The following REEP1 variants were observed in gnomAD, a reference collection of about 807,000 sequenced individuals.
REEP1 encodes receptor expression-enhancing protein 1.
In REEP1, 22 loss-of-function variants were observed where a neutral mutation model predicts 40.3. That is an observed-to-expected ratio of 0.55 (90% confidence interval 0.39 to 0.78). The LOEUF is 0.78. REEP1 is among the 30% of genes least tolerant of loss of function. The pLI, the probability that REEP1 is intolerant of heterozygous loss-of-function variation, is 0.00. For missense variants in REEP1, 280 were observed against 361.1 expected (o/e 0.78, Z 1.82); for synonymous variants, 116 against 139.2 (o/e 0.83, Z 1.17).
intron 3 of REEP1, 142 bp from the exon 4 acceptor site, chr2:86,254,956 T>C (rs1676475290): frequency 8.3e-6 from 7 of 842,276 alleles, no homozygotes; most frequent in African/African-American, 1.7e-5. Context: ...GTCCTCCACC[T>C]ATGAAGGTGA....
intron 8 of REEP1, 146 bp from the exon 9 acceptor site, chr2:86,217,256 C>A: frequency 2.8e-6 from 2 of 717,356 alleles, no homozygotes; most frequent in Admixed American, 2.0e-5. Context: ...TGAATCTCCG[C>A]AACAGGAAGC....
At chr2:86,296,178 GA>G (rs563703170) in intron 1 of REEP1, among the ~76,000 whole-genome samples, 21 of 152,272 alleles carry the variant, frequency 1.4e-4, no homozygotes, top group African/African-American at 3.8e-4. Flanking sequence ...ACACTTTGGG[GA>G]AAAAAAGTTA....
At chr2:86,271,657 G>T (rs76702277) in intron 2 of REEP1, among the ~76,000 whole-genome samples, 3,498 of 152,224 alleles carry the variant, frequency 0.023, 137 homozygotes, top group African/African-American at 0.079. Context: ...AACAAGGTAG[G>T]TTTAGTCCAT....
intron 1 of REEP1, among the ~76,000 whole-genome samples, chr2:86,335,352 G>A (rs147742277): frequency 6.6e-6 from 1 of 152,224 alleles, no homozygotes; most frequent in East Asian, 1.9e-4. Context: ...GGGATAAGTG[G>A]TATCCCTGAC....
intron 1 of REEP1, among the ~76,000 whole-genome samples, chr2:86,285,174 C>T (rs1010004488): frequency 2.0e-5 from 3 of 152,190 alleles, no homozygotes; most frequent in African/African-American, 4.8e-5. Flanking sequence ...CTGATTAAGC[C>T]ACATTCACTT....
intron 1 of REEP1, among the ~76,000 whole-genome samples, chr2:86,323,057 G>C (rs561309763): frequency 6.6e-6 from 1 of 152,186 alleles, no homozygotes; most frequent in African/African-American, 2.4e-5. Context: ...AATTAGCCAA[G>C]CACAGTGGCG....
At position 86,337,424 on chromosome 2, in the gene REEP1, G is replaced by A; in HGVS notation, c.32+55C>T. On this transcript the variant is annotated intron_variant, in intron 1 of 8. Transcript: ENST00000538924. The surrounding 1 kb of genome is among the most constrained non-coding windows in gnomAD (Gnocchi z 5.8). ...GCGCTGTAGGGGCGCGCGCAGCCCG[G>A]GGCCGGGGGCGGGGAGGGAGGGGAC... The A allele has an allele frequency of 8.5e-7, 1 of 1,179,894 alleles. No homozygotes were observed. The allele number at this position is 1,179,894 out of a possible 1,614,324, so 73.1% of individuals were successfully genotyped here.
intron 5 of REEP1, among the ~76,000 whole-genome samples, chr2:86,249,273 G>A (rs1420546024): frequency 6.8e-6 from 1 of 146,356 alleles, no homozygotes; most frequent in Non-Finnish European, 1.5e-5. Flanking sequence ...AAAAAAAAAA[G>A]TGGGAGAATT....
At chr2:86,295,734 T>G (rs1440608241) in intron 1 of REEP1, among the ~76,000 whole-genome samples, 2 of 151,976 alleles carry the variant, frequency 1.3e-5, no homozygotes, top group Non-Finnish European at 2.9e-5. Flanking sequence ...AGAGACGGGG[T>G]TTCACCGTGT....
At chr2:86,217,759 A>G (rs115919826) in intron 8 of REEP1, among the ~76,000 whole-genome samples, 3,294 of 150,444 alleles carry the variant, frequency 0.022, 68 homozygotes, top group Non-Finnish European at 0.034. Flanking sequence ...AAATGCTCCT[A>G]TGAGCATGAC....
chr2:86,227,940 T>G (rs534653095), intron 6 of REEP1, among the ~76,000 whole-genome samples: 1 of 152,306 alleles, frequency 6.6e-6, no homozygotes, highest in South Asian at 2.1e-4. Flanking sequence ...GGATCATTCT[T>G]TCAACATTTC....
At chr2:86,226,538 G>A (rs1053535352) in intron 7 of REEP1, among the ~76,000 whole-genome samples, 1 of 146,190 alleles carries the variant, frequency 6.8e-6, no homozygotes, top group Non-Finnish European at 1.5e-5. Flanking sequence ...GCACGATCAT[G>A]GCTCACTGCA....
intron 1 of REEP1, among the ~76,000 whole-genome samples, chr2:86,327,520 G>A (rs114586822): frequency 0.013 from 1,909 of 151,628 alleles, 45 homozygotes; most frequent in African/African-American, 0.043. Flanking sequence ...TTTACTCTTA[G>A]TGAGATGGAG....
intron 1 of REEP1, among the ~76,000 whole-genome samples, chr2:86,329,173 C>T (rs1558940189): frequency 1.3e-5 from 2 of 152,220 alleles, no homozygotes; most frequent in Admixed American, 1.3e-4. Flanking sequence ...TCAGATGCTT[C>T]TCTTCTCTCC....
chr2:86,223,592 CCACA>C (rs1674535501), intron 7 of REEP1: 1 of 152,292 alleles, frequency 6.6e-6, no homozygotes, highest in Admixed American at 6.5e-5. Context: ...ACATCCCCAT[CCACA>C]CACACTCACA....
At chr2:86,237,275 G>A (rs970949697) in intron 5 of REEP1, among the ~76,000 whole-genome samples, 1 of 152,148 alleles carries the variant, frequency 6.6e-6, no homozygotes, top group Non-Finnish European at 1.5e-5. Context: ...TTTCTGGTAT[G>A]ATCAAGAAAG....
Position 86,282,215 on chromosome 2 carries a change from C to G in REEP1, c.60G>C (p.Ala20=), listed in dbSNP as rs186480337. The part of the protein sequence containing the change: ...VVLIFGTLYP[A]YYSYKAVKSK... ...ATTTCACAGCCTTGTAGGAATAATA[C>G]GCAGGGTAAAGGGTGCCAAATATAA... The change falls in exon 2 of 9, where the codon GCG becomes GCC. Residue 20 remains alanine, a synonymous_variant. Coordinates refer to ENST00000538924, the MANE Select transcript of REEP1 (RefSeq NM_001371279.1). The G allele has an allele frequency of 1.2e-6, 2 of 1,609,586 alleles. No homozygotes were observed. Among genetic ancestry groups the G allele is most frequent in the African/African-American group, 2.7e-5 (2 of 74,788 alleles).
chr2:86,309,587 T>C (rs1004709895), intron 1 of REEP1, among the ~76,000 whole-genome samples: 1 of 152,152 alleles, frequency 6.6e-6, no homozygotes, highest in Non-Finnish European at 1.5e-5. Flanking sequence ...CCCACAGCAC[T>C]GGAAGCTGGA....
At chr2:86,261,360 G>C (rs1676843099) in intron 3 of REEP1, among the ~76,000 whole-genome samples, 1 of 152,162 alleles carries the variant, frequency 6.6e-6, no homozygotes, top group Non-Finnish European at 1.5e-5. Flanking sequence ...AGTAGACATA[G>C]GAGACTCCAT....
Sources: allele counts gnomAD v4.1 joint callset (sites outside exome capture counted in the v4.1 genomes callset), GRCh38; gene constraint gnomAD v4.1.1; non-coding constraint Gnocchi (gnomAD v3.1); transcripts MANE v1.5; gene names NCBI Gene and HGNC (gene_info 2026-07-23, HGNC 2026-07-21).